Variants in ST3GAL4 observed in about 807,000 individuals in gnomAD.
The protein encoded by ST3GAL4 is CMP-N-acetylneuraminate-beta-galactosamide-alpha-2,3-sialyltransferase 4.
ST3GAL4 carries 24 observed loss-of-function variants against 42.6 expected under a neutral mutation model. The ratio of observed to expected loss-of-function variants is 0.56; its 90% CI spans 0.41 to 0.79. The LOEUF is 0.79. Among genes scored for constraint, ST3GAL4 ranks in the 30% least tolerant of loss-of-function variants. ST3GAL4 has a pLI of 0.00. For missense variants in ST3GAL4, 311 were observed against 430.8 expected (o/e 0.72, Z 2.46); for synonymous variants, 135 against 163.2 (o/e 0.83, Z 1.32).
Position 126,383,265 on chromosome 11 carries a change from C to T in ST3GAL4, c.-60-22831C>T, listed in dbSNP as rs1432455369. 2.0e-5 allele frequency among the ~76,000 whole-genome samples: 3 copies of T among 152,154 alleles called. No homozygotes were observed. Among genetic ancestry groups the T allele is most frequent in the African/African-American group, 4.8e-5 (2 of 41,432 alleles). On this transcript the variant is annotated intron_variant, in intron 1 of 10. Coordinates refer to ENST00000444328, the MANE Select transcript of ST3GAL4 (RefSeq NM_001254757.2). The surrounding 1 kb of genome is among the most constrained non-coding windows in gnomAD (Gnocchi z 4.5). ...GCGAGGAGCCCAGGATTCCCCTTTC[C>T]GTGACTTTGGAGGAACGAGGTTCCT...
At chr11:126,412,810 A>G (rs990529716) in intron 9 of ST3GAL4, among the ~76,000 whole-genome samples, 3 of 152,242 alleles carry the variant, frequency 2.0e-5, no homozygotes, top group African/African-American at 7.2e-5. Context: ...TGAGTTGCTT[A>G]ACGCTTTTGT....
At position 126,397,111 on chromosome 11, in the gene ST3GAL4, G is replaced by A. The variant is rs188329981; in HGVS notation, c.-60-8985G>A. Among the ~76,000 whole-genome samples the A allele has an allele frequency of 1.1e-4, 17 of 152,168 alleles. No homozygotes were observed. Among genetic ancestry groups the A allele is most frequent in the East Asian group, 5.8e-4 (3 of 5,180 alleles). ...GCAGAGATTGAGAGATCCTGGTTTCGCGTTTTGAGCGTGCAGTACATTTCA... is the reference window on the plus strand; with the variant it reads ...GCAGAGATTGAGAGATCCTGGTTTCACGTTTTGAGCGTGCAGTACATTTCA... On this transcript the variant is annotated intron_variant, in intron 1 of 10. Transcript: ENST00000444328. The surrounding 1 kb of genome is among the most constrained non-coding windows in gnomAD (Gnocchi z 5.0).
At chr11:126,367,884 A>T (rs1952493199) in intron 1 of ST3GAL4, among the ~76,000 whole-genome samples, 1 of 152,224 alleles carries the variant, frequency 6.6e-6, no homozygotes, top group South Asian at 2.1e-4. Context: ...GTGGTGGCTC[A>T]CACCAGTAAT....
At chr11:126,385,217 C>T (rs978259336) in intron 1 of ST3GAL4, among the ~76,000 whole-genome samples, 7 of 150,442 alleles carry the variant, frequency 4.7e-5, no homozygotes, top group African/African-American at 9.8e-5. Flanking sequence ...AGTGCAGTGG[C>T]GATCTCGGCT....
intron 1 of ST3GAL4, among the ~76,000 whole-genome samples, chr11:126,394,198 T>C (rs1953634244): frequency 6.8e-6 from 1 of 147,234 alleles, no homozygotes; most frequent in Admixed American, 6.7e-5. Flanking sequence ...CTGGTACCTT[T>C]GGCTTTAGAT....
Position 126,408,372 on chromosome 11 carries a change from TCTA to T in ST3GAL4, c.505_507del (p.Tyr169del). 1 of 1,614,156 alleles carries T rather than the reference TCTA, an allele frequency of 6.2e-7. No homozygotes were observed. The highest frequency in any genetic ancestry group is 8.5e-7 in the Non-Finnish European group (1 of 1,180,032). ...GGCTCCAAGACCACCATGCGTCTCT[TCTA>T]CCCTGAATCTGCCCACTTCGACCCC... On this transcript the variant is annotated inframe_deletion, in exon 8 of 11. Coordinates refer to ENST00000444328, the MANE Select transcript of ST3GAL4 (RefSeq NM_001254757.2).
At chr11:126,403,301 G>A in intron 1 of ST3GAL4, 1 of 807,122 alleles carries the variant, frequency 1.2e-6, no homozygotes, top group South Asian at 5.6e-5. Flanking sequence ...TCGAAGAAGG[G>A]CTAATTGTCT....
chr11:126,407,968 A>T (rs567476213), intron 6 of ST3GAL4, 131 bp from the exon 7 acceptor site: 1 of 1,031,258 alleles, frequency 9.7e-7, no homozygotes, highest in East Asian at 2.6e-5. Flanking sequence ...CCACGGGGTG[A>T]TGCCTGCTTC....
At chr11:126,375,740 G>T (rs2135423819) in intron 1 of ST3GAL4, among the ~76,000 whole-genome samples, 1 of 152,280 alleles carries the variant, frequency 6.6e-6, no homozygotes, top group East Asian at 1.9e-4. Context: ...TCCTTCTGGT[G>T]TCTAGTGGGT....
intron 1 of ST3GAL4, among the ~76,000 whole-genome samples, chr11:126,403,014 C>T (rs1466637414): frequency 6.6e-6 from 1 of 152,238 alleles, no homozygotes; most frequent in Admixed American, 6.5e-5. Flanking sequence ...GGCTTTGCTC[C>T]TGCCCTTTAT....
At chr11:126,413,859 C>A (rs1954633389) in intron 10 of ST3GAL4, 102 bp from the exon 11 acceptor site, 1 of 1,451,440 alleles carries the variant, frequency 6.9e-7, no homozygotes, top group Non-Finnish European at 9.5e-7. Flanking sequence ...GGGAAGGGAG[C>A]TCCCAAGAAG....
At chr11:126,407,387 C>T (rs1643902972) in intron 5 of ST3GAL4, 38 bp downstream of exon 5, 2 of 1,601,718 alleles carry the variant, frequency 1.2e-6, no homozygotes, top group African/African-American at 1.3e-5. Context: ...CATGGGCTCA[C>T]CCTGACCACG....
rs1174382055 is a variant in ST3GAL4 at position 126,383,838 on chromosome 11, C to G, written c.-60-22258C>G. Among the ~76,000 whole-genome samples the G allele has an allele frequency of 6.6e-6, 1 of 152,184 alleles. No individual in the cohort carries two copies. Among genetic ancestry groups the G allele is most frequent in the African/African-American group, 2.4e-5 (1 of 41,446 alleles). On this transcript the variant is annotated intron_variant, in intron 1 of 10. Transcript: ENST00000444328. This position sits in a 1 kb window ranked among gnomAD's most constrained non-coding sequence, Gnocchi z 4.5. ...CACCTAGAAGGGCCCCTCCTCCCCTCGTCTTCCCTCCCTCATGGCCCACCT... is the reference window on the plus strand; with the variant it reads ...CACCTAGAAGGGCCCCTCCTCCCCTGGTCTTCCCTCCCTCATGGCCCACCT...
At position 126,359,129 on chromosome 11, in the gene ST3GAL4, A is replaced by G. The variant is rs886592875; in HGVS notation, c.-61+3287A>G. Among the ~76,000 whole-genome samples the G allele has an allele frequency of 6.6e-6, 1 of 152,106 alleles. No homozygotes were observed. The highest frequency in any genetic ancestry group is 2.4e-5 in the African/African-American group (1 of 41,400). Reference sequence around the variant, plus strand: ...TGCTGGGACCAGTTTGGAGAGTGCTAAGGAATGCTGGTCTGCAGCGACCCT... The same window carrying G: ...TGCTGGGACCAGTTTGGAGAGTGCTGAGGAATGCTGGTCTGCAGCGACCCT... On this transcript the variant is annotated intron_variant, in intron 1 of 10. Transcript: ENST00000444328. The surrounding 1 kb of genome is among the most constrained non-coding windows in gnomAD (Gnocchi z 4.8).
chr11:126,407,099 T>C (rs2135545921), intron 4 of ST3GAL4, 76 bp downstream of exon 4: 1 of 1,512,486 alleles, frequency 6.6e-7, no homozygotes, highest in Non-Finnish European at 9.2e-7. Context: ...GTGTGGGGAG[T>C]AGATGGAAAG....
chr11:126,388,679 T>TTTTTTTTTCC (rs1239186575), intron 1 of ST3GAL4, among the ~76,000 whole-genome samples: 8 of 122,718 alleles, frequency 6.5e-5, no homozygotes, highest in African/African-American at 2.4e-4. Flanking sequence ...TTTTTTTTTT[T>TTTTTTTTTCC]TTCTGATTTA....
chr11:126,381,861 C>G (rs1953018414), intron 1 of ST3GAL4, among the ~76,000 whole-genome samples: 1 of 151,242 alleles, frequency 6.6e-6, no homozygotes, highest in Non-Finnish European at 1.5e-5. Flanking sequence ...CCATTGCCTT[C>G]CCCCAGGCCC....
rs191270668 is a variant in ST3GAL4 at position 126,394,999 on chromosome 11, A to C, written c.-60-11097A>C. ...GAGGCAGTTAGCTGGTCAGTTACTCACTGTGCTCTCTGCCAACTCTAATGA... is the reference window on the plus strand; with the variant it reads ...GAGGCAGTTAGCTGGTCAGTTACTCCCTGTGCTCTCTGCCAACTCTAATGA... On this transcript the variant is annotated intron_variant, in intron 1 of 10. Transcript: ENST00000444328. 1.8e-4 allele frequency among the ~76,000 whole-genome samples: 28 copies of C among 152,004 alleles called. No homozygotes were observed. In the East Asian group the frequency reaches 2.9e-3, roughly 16 times the overall value.
chr11:126,391,216 T>G lies in ST3GAL4; in HGVS notation c.-60-14880T>G, dbSNP rs576885551. Among the ~76,000 whole-genome samples, 2 of 152,260 alleles carry G rather than the reference T, an allele frequency of 1.3e-5. No individual in the cohort carries two copies. The highest frequency in any genetic ancestry group is 3.9e-4 in the East Asian group (2 of 5,186). On this transcript the variant is annotated intron_variant, in intron 1 of 10. Transcript: ENST00000444328. This position sits in a 1 kb window ranked among gnomAD's most constrained non-coding sequence, Gnocchi z 5.5. ...TTTGGGGATATACCCAGAAGTGCAG[T>G]TGCTTGATCCTATCCTGTCCCTTGC...
Sources: allele counts gnomAD v4.1 joint callset (sites outside exome capture counted in the v4.1 genomes callset), GRCh38; gene constraint gnomAD v4.1.1; non-coding constraint Gnocchi (gnomAD v3.1); transcripts MANE v1.5; gene names NCBI Gene and HGNC (gene_info 2026-07-23, HGNC 2026-07-21).